Variants in TLDC2 observed in about 807,000 individuals in gnomAD.
The protein encoded by TLDC2 is TLD domain-containing protein 2.
Under a neutral mutation model 27.9 loss-of-function variants are expected in TLDC2, and 23 were observed. That is an observed-to-expected ratio of 0.82 (90% CI 0.59 to 1.17). The LOEUF (loss-of-function observed/expected upper bound fraction) is 1.17, where lower values mean the gene tolerates loss of function less well. Ranked by LOEUF, TLDC2 falls within the 50% of genes most tolerant of loss-of-function variation. TLDC2 has a pLI of 0.00. For missense variants in TLDC2, 286 were observed against 273.4 expected (o/e 1.05, Z -0.32); for synonymous variants, 124 against 107.4 (o/e 1.16, Z -0.96).
chr20:36,879,090 T>C lies in TLDC2; in HGVS notation c.239T>C (p.Val80Ala). The change falls in exon 3 of 7, where the codon GTC becomes GCC. Residue 80 changes from valine to alanine, a missense_variant. By Grantham distance (64) the Val-to-Ala change is moderately conservative. Coordinates refer to ENST00000217320, the MANE Select transcript of TLDC2 (RefSeq NM_080628.3). ...GTCACCGGCCATCCCTGGAGTCTGG[T>C]CTTCTGCACGTCAAGGGACGGTTTC... is the stretch of plus-strand genomic sequence containing the variant. ...PRVTGHPWSL[V>A]FCTSRDGFSL... 6.2e-7 allele frequency: 1 copy of C among 1,613,916 alleles called. No individual in the cohort carries two copies. The highest frequency in any genetic ancestry group is 8.5e-7 in the Non-Finnish European group (1 of 1,179,976).
Position 36,889,500 on chromosome 20 carries a change from G to A in TLDC2, c.*17+97G>A, listed in dbSNP as rs568577461. 209 of 1,411,376 alleles carry A rather than the reference G, an allele frequency of 1.5e-4. 1 individual carries two copies. In the East Asian group the frequency reaches 1.7e-3, roughly 12 times the overall value. 87.4% of individuals were successfully genotyped at this position (1,411,376 alleles called of 1,614,324 possible). A position where few individuals can be genotyped will look rare whatever the true frequency, so the allele number is the denominator to read the frequency against. On this transcript the variant is annotated intron_variant, in intron 6 of 6. Coordinates refer to ENST00000217320, the MANE Select transcript of TLDC2 (RefSeq NM_080628.3). Reference sequence around the variant, plus strand: ...ATGGTGAAGGGCCCTAGAGTTGGCCGAGGCTGCTGGCCAGCCTCCTTGTGG... The same window carrying A: ...ATGGTGAAGGGCCCTAGAGTTGGCCAAGGCTGCTGGCCAGCCTCCTTGTGG...
At chr20:36,883,588 C>G (rs1362552506) in intron 4 of TLDC2, among the ~76,000 whole-genome samples, 1 of 152,182 alleles carries the variant, frequency 6.6e-6, no homozygotes, top group Non-Finnish European at 1.5e-5. Flanking sequence ...TTCCTTAACT[C>G]TTGTCTTTCA....
rs149908690 is a variant in TLDC2 at position 36,893,395 on chromosome 20, G to A, written c.*551G>A. The A allele has an allele frequency of 2.0e-4, 83 of 406,568 alleles. No homozygotes were observed. Among genetic ancestry groups the A allele is most frequent in the Non-Finnish European group, 7.7e-5 (17 of 221,370 alleles). 25.2% of individuals were successfully genotyped at this position (406,568 alleles called of 1,614,324 possible). A position where few individuals can be genotyped will look rare whatever the true frequency, so the allele number is the denominator to read the frequency against. On this transcript the variant is annotated 3_prime_UTR_variant, in exon 7 of 7. Coordinates refer to ENST00000217320, the MANE Select transcript of TLDC2 (RefSeq NM_080628.3). ...TGTCCTGTTTTCCCAGGAGAAAGAC[G>A]GGATGCACTGAACCCCTAGCTTCTC...
In TLDC2 at chr20:36,893,680, C is replaced by G. The variant is rs1435938476; in HGVS notation, c.*836C>G. On this transcript the variant is annotated 3_prime_UTR_variant, in exon 7 of 7. Coordinates refer to ENST00000217320, the MANE Select transcript of TLDC2 (RefSeq NM_080628.3). ...ATACTTGACTCTATGCTAAACTGTT[C>G]TGAACTTGTGGGTAGATCTTCTTTG... is the stretch of plus-strand genomic sequence containing the variant. The G allele has an allele frequency of 2.6e-6, 1 of 388,412 alleles. No individual in the cohort carries two copies. The highest frequency in any genetic ancestry group is 4.5e-6 in the Non-Finnish European group (1 of 220,418). 24.1% of individuals were successfully genotyped at this position (388,412 alleles called of 1,614,324 possible). A position where few individuals can be genotyped will look rare whatever the true frequency, so the allele number is the denominator to read the frequency against.
At chr20:36,881,687 T>C (rs148971832) in intron 4 of TLDC2, among the ~76,000 whole-genome samples, 1 of 149,730 alleles carries the variant, frequency 6.7e-6, no homozygotes, top group Non-Finnish European at 1.5e-5. Context: ...GGAGTGAAAA[T>C]ACAACATGGA....
At chr20:36,892,542 G>A in intron 6 of TLDC2, 1 of 265,622 alleles carries the variant, frequency 3.8e-6, no homozygotes, top group Non-Finnish European at 7.3e-6. Flanking sequence ...TTTAGTCCCA[G>A]CTACTTGGGG....
At chr20:36,887,895 C>T (rs541325965) in intron 5 of TLDC2, among the ~76,000 whole-genome samples, 6 of 152,260 alleles carry the variant, frequency 3.9e-5, no homozygotes, top group Admixed American at 1.3e-4. Context: ...CAGGAACCTC[C>T]CTCGGTGAGG....
Position 36,879,169 on chromosome 20 carries a change from G to A in TLDC2, c.318G>A (p.Leu106=). ...RMEGCSGPVL[L]VLRDQDGQIF... is the part of the protein sequence containing the mutation. The stretch of plus-strand genomic sequence containing the variant: ...AGGGCTGCAGCGGGCCAGTGCTGCT[G>A]GTGCTCAGGGACCAGGACGGGCAGG... Residue 106 remains leucine (L), a synonymous_variant, in exon 3 of 7, where the codon CTG becomes CTA. Transcript: ENST00000217320. 6.2e-7 allele frequency: 1 copy of A among 1,613,718 alleles called. No individual in the cohort carries two copies. Among genetic ancestry groups the A allele is most frequent in the South Asian group, 1.1e-5 (1 of 91,078 alleles).
intron 4 of TLDC2, among the ~76,000 whole-genome samples, chr20:36,887,129 G>A (rs1014822174): frequency 2.6e-5 from 4 of 152,120 alleles, no homozygotes; most frequent in Non-Finnish European, 5.9e-5. Context: ...TAGTTAGAAG[G>A]GCAGTATCAG....
intron 4 of TLDC2, among the ~76,000 whole-genome samples, chr20:36,881,379 CAAAAA>C (rs11295785): frequency 1.7e-5 from 2 of 118,776 alleles, no homozygotes; most frequent in Non-Finnish European, 1.8e-5. Flanking sequence ...GACCCTGTCT[CAAAAA>C]AAAAAAAAAA....
In TLDC2 at chr20:36,894,189, A is replaced by G. The variant is rs1416967949; in HGVS notation, c.*1345A>G. 7.9e-6 allele frequency: 3 copies of G among 380,586 alleles called. No individual in the cohort carries two copies. The highest frequency in any genetic ancestry group is 1.4e-5 in the Non-Finnish European group (3 of 215,768). 23.6% of individuals were successfully genotyped at this position (380,586 alleles called of 1,614,324 possible). On this transcript the variant is annotated 3_prime_UTR_variant, in exon 7 of 7. Transcript: ENST00000217320. ...CATGTTAAATTTTTTCTGTTGAACT[A>G]CACTGGATCTGACTTGATAGAACTA...
intron 1 of TLDC2, 66 bp from the exon 2 acceptor site, chr20:36,877,833 T>C (rs1001422082): frequency 1.3e-6 from 2 of 1,544,398 alleles, no homozygotes; most frequent in South Asian, 2.5e-5. Flanking sequence ...GCTCTTGGGC[T>C]CAGGAGATGG....
At chr20:36,876,797 G>A (rs555143207) in intron 1 of TLDC2, among the ~76,000 whole-genome samples, 1 of 152,072 alleles carries the variant, frequency 6.6e-6, no homozygotes, top group Non-Finnish European at 1.5e-5. Context: ...GTACAGAGTG[G>A]AAGCTCGGAT....
intron 4 of TLDC2, among the ~76,000 whole-genome samples, chr20:36,881,187 T>C (rs1989806942): frequency 6.6e-6 from 1 of 152,048 alleles, no homozygotes; most frequent in Non-Finnish European, 1.5e-5. Context: ...AAGACCTACC[T>C]AGGCAACATA....
rs373815349 is a variant in TLDC2, at chr20:36,876,155, G to A, written c.-20G>A. 43 of 1,614,114 alleles carry A rather than the reference G, an allele frequency of 2.7e-5. No individual in the cohort carries two copies. The highest frequency in any genetic ancestry group is 1.7e-4 in the Middle Eastern group (1 of 6,058). On this transcript the variant is annotated 5_prime_UTR_variant, in exon 1 of 7. Transcript: ENST00000217320. ...GAGGATTCACTCACTGCCCACGGCC[G>A]GCTGAGCAGGGACAGGAGAATGAGA...
chr20:36,886,154 G>A (rs1179420137), intron 4 of TLDC2, among the ~76,000 whole-genome samples: 1 of 152,114 alleles, frequency 6.6e-6, no homozygotes, highest in South Asian at 2.1e-4. Flanking sequence ...TTAGAGTTGG[G>A]GTCTTGCGCT....
chr20:36,889,021 CAATAAATA>C (rs1027047276), intron 5 of TLDC2, among the ~76,000 whole-genome samples: 17 of 151,960 alleles, frequency 1.1e-4, no homozygotes, highest in African/African-American at 2.4e-4. Flanking sequence ...GACTCCGTTT[CAATAAATA>C]AATAAATAAA....
At chr20:36,887,875 T>C (rs988848222) in intron 5 of TLDC2, among the ~76,000 whole-genome samples, 6 of 151,780 alleles carry the variant, frequency 4.0e-5, no homozygotes, top group African/African-American at 2.4e-5. Context: ...GCAGGGGACA[T>C]AACTCATTGC....
chr20:36,876,729 TCAAA>T (rs1424508432), intron 1 of TLDC2, among the ~76,000 whole-genome samples: 2 of 150,710 alleles, frequency 1.3e-5, no homozygotes, highest in Admixed American at 6.6e-5. Context: ...ACTCACACAC[TCAAA>T]CACACATACA....
Sources: gnomAD v4.1 joint callset for allele counts (sites outside exome capture counted in the v4.1 genomes callset) on GRCh38, gnomAD v4.1.1 for gene constraint, MANE v1.5 for transcripts, NCBI Gene and HGNC (gene_info 2026-07-23, HGNC 2026-07-21) for gene names.